Variants in SLC4A10 observed in about 807,000 individuals in gnomAD.
SLC4A10 encodes sodium-driven chloride bicarbonate exchanger.
Under a neutral mutation model 137.7 loss-of-function variants are expected in SLC4A10, and 42 were observed. The ratio of observed to expected loss-of-function variants is 0.30; its 90% confidence interval spans 0.24 to 0.39. The LOEUF is 0.39. Among genes scored for constraint, SLC4A10 ranks in the 10% least tolerant of loss-of-function variants. SLC4A10 has a pLI of 1.00. For synonymous variants in SLC4A10, 474 were observed against 464.1 expected (o/e 1.02, Z -0.27); for missense variants, 925 against 1,355.0 (o/e 0.68, Z 4.98).
At chr2:161,728,484 G>A (rs1265243558) in intron 1 of SLC4A10, among the ~76,000 whole-genome samples, 1 of 152,018 alleles carries the variant, frequency 6.6e-6, no homozygotes, top group Non-Finnish European at 1.5e-5. Context: ...GCTGAGGTAG[G>A]AGATTGCTCA....
chr2:161,807,163 C>T (rs2056069734), intron 3 of SLC4A10, among the ~76,000 whole-genome samples: 1 of 152,104 alleles, frequency 6.6e-6, no homozygotes, highest in Non-Finnish European at 1.5e-5. Context: ...AGACCTGCCC[C>T]CCATGATTCA....
intron 12 of SLC4A10, among the ~76,000 whole-genome samples, chr2:161,902,483 G>A (rs7580605): frequency 1 from 151,485 of 152,074 alleles, 75,449 homozygotes; most frequent in East Asian, 1. Context: ...ATAAAAAAAA[G>A]TGCATATGTT....
At chr2:161,976,697 C>T in intron 24 of SLC4A10, 63 bp from the exon 25 acceptor site, 2 of 759,308 alleles carry the variant, frequency 2.6e-6, no homozygotes, top group Non-Finnish European at 4.1e-6. Context: ...TAGTTTCTGT[C>T]ATTGAAAAAC....
intron 26 of SLC4A10, among the ~76,000 whole-genome samples, chr2:161,982,285 A>G (rs2106030106): frequency 6.6e-6 from 1 of 152,284 alleles, no homozygotes. Context: ...GTGTGCTGCA[A>G]GTATCAGGGA....
At chr2:161,755,771 AT>A (rs368478470) in intron 1 of SLC4A10, among the ~76,000 whole-genome samples, 1,754 of 140,300 alleles carry the variant, frequency 0.013, 10 homozygotes, top group Non-Finnish European at 0.018. Context: ...CGTTCCTTAA[AT>A]TTTTTTTTTT....
chr2:161,879,684 A>G (rs1362538165), intron 9 of SLC4A10, among the ~76,000 whole-genome samples: 1 of 151,972 alleles, frequency 6.6e-6, no homozygotes. Context: ...AAAACAGCAA[A>G]GTTACTAAGG....
intron 2 of SLC4A10, 76 bp downstream of exon 2, chr2:161,771,130 T>C: frequency 9.4e-7 from 1 of 1,061,882 alleles, no homozygotes; most frequent in Non-Finnish European, 1.4e-6. Flanking sequence ...GTTTGTCACA[T>C]TGTGAAGAAT....
At chr2:161,721,305 T>G (rs749446670) in intron 1 of SLC4A10, among the ~76,000 whole-genome samples, 1 of 152,198 alleles carries the variant, frequency 6.6e-6, no homozygotes, top group Non-Finnish European at 1.5e-5. Context: ...AGTGTGTTTT[T>G]GTAGTGGCTG....
intron 1 of SLC4A10, among the ~76,000 whole-genome samples, chr2:161,656,948 T>C (rs971574885): frequency 5.3e-5 from 8 of 152,096 alleles, no homozygotes; most frequent in African/African-American, 1.9e-4. Flanking sequence ...AGTAAAAATA[T>C]TATGTAGTCA....
chr2:161,790,881 A>G (rs1362911265), intron 2 of SLC4A10, among the ~76,000 whole-genome samples: 3 of 152,166 alleles, frequency 2.0e-5, no homozygotes, highest in Non-Finnish European at 4.4e-5. Context: ...CAACATCACT[A>G]ATCATTAGAG....
At chr2:161,791,323 G>C (rs1482113741) in intron 2 of SLC4A10, among the ~76,000 whole-genome samples, 1 of 152,256 alleles carries the variant, frequency 6.6e-6, no homozygotes, top group East Asian at 1.9e-4. Context: ...GCAGGGACCT[G>C]GATGGAACTG....
intron 1 of SLC4A10, among the ~76,000 whole-genome samples, chr2:161,659,740 G>A (rs1329992788): frequency 6.6e-6 from 1 of 152,070 alleles, no homozygotes; most frequent in African/African-American, 2.4e-5. Context: ...TAGACAAAAA[G>A]TGAAAAATCT....
intron 4 of SLC4A10, among the ~76,000 whole-genome samples, chr2:161,848,027 A>G (rs59429372): frequency 0.061 from 9,237 of 152,148 alleles, 369 homozygotes; most frequent in East Asian, 0.13. Context: ...CTGCAACCTC[A>G]CCAGCTTCTG....
intron 1 of SLC4A10, among the ~76,000 whole-genome samples, chr2:161,741,063 A>G (rs1254352598): frequency 6.6e-6 from 1 of 152,120 alleles, no homozygotes; most frequent in Non-Finnish European, 1.5e-5. Context: ...GCTTGAGTCC[A>G]GGAGTTCAAG....
intron 2 of SLC4A10, among the ~76,000 whole-genome samples, chr2:161,782,781 G>A (rs573338225): frequency 6.7e-4 from 98 of 146,502 alleles, no homozygotes; most frequent in African/African-American, 2.4e-3. Context: ...CAGGCCATTG[G>A]AACTTGCTGA....
intron 15 of SLC4A10, among the ~76,000 whole-genome samples, chr2:161,908,552 G>A (rs185913524): frequency 1.1e-4 from 17 of 150,470 alleles, no homozygotes; most frequent in South Asian, 2.1e-4. Flanking sequence ...AAACCTGCAC[G>A]TTGTGCACAT....
intron 2 of SLC4A10, among the ~76,000 whole-genome samples, chr2:161,773,947 G>A (rs996730077): frequency 6.6e-6 from 1 of 151,544 alleles, no homozygotes; most frequent in Non-Finnish European, 1.5e-5. Context: ...TCTCAGTGGT[G>A]TCTCTACTCA....
intron 9 of SLC4A10, among the ~76,000 whole-genome samples, chr2:161,880,549 T>C (rs1480162683): frequency 2.0e-5 from 3 of 152,098 alleles, no homozygotes. Flanking sequence ...ATGTTTATCC[T>C]GTTTGAGAGT....
chr2:161,722,481 G>C (rs941203239), intron 1 of SLC4A10, among the ~76,000 whole-genome samples: 1 of 152,166 alleles, frequency 6.6e-6, no homozygotes, highest in South Asian at 2.1e-4. Flanking sequence ...GTCCTCTCCA[G>C]ATCTTATTTA....
Sources: gnomAD v4.1 joint callset for allele counts (sites outside exome capture counted in the v4.1 genomes callset) on GRCh38, gnomAD v4.1.1 for gene constraint, MANE v1.5 for transcripts, NCBI Gene and HGNC (gene_info 2026-07-23, HGNC 2026-07-21) for gene names.